Variants in CMYA5 observed in about 807,000 individuals in gnomAD.
CMYA5 encodes the protein cardiomyopathy associated 5.
A neutral mutation model predicts 318.9 loss-of-function variants in CMYA5; 246 were observed. The observed-to-expected ratio is 0.77, with a 90% confidence interval of 0.70 to 0.86. The LOEUF (loss-of-function observed/expected upper bound fraction) is 0.86. Among genes scored for constraint, CMYA5 ranks in the 40% least tolerant of loss-of-function variants. The pLI is 0.00. For missense variants in CMYA5, 4,589 were observed against 4,678.2 expected (o/e 0.98, Z 0.56); for synonymous variants, 1,641 against 1,729.5 (o/e 0.95, Z 1.27).
chr5:79,756,282 C>T (rs1828526916), intron 6 of CMYA5, among the ~76,000 whole-genome samples: 1 of 152,206 alleles, frequency 6.6e-6, no homozygotes, highest in African/African-American at 2.4e-5. Context: ...GTTCGCTCCT[C>T]AGGTCTTACC....
rs770306300 is a variant in CMYA5 at position 79,732,290 on chromosome 5, T to G, written c.3525T>G (p.Asp1175Glu). 1 of 1,613,898 alleles carries G rather than the reference T, an allele frequency of 6.2e-7. No individual in the cohort carries two copies. Among genetic ancestry groups the G allele is most frequent in the East Asian group, 2.2e-5 (1 of 44,876 alleles). ...CATCTCCACATTCAGTTTTACCTGA[T>G]TCAGTCCCTGCAATCAAGAAAGAAC... ...KPASPHSVLP[D>E]SVPAIKKEQE... The change falls in exon 2 of 13, where the codon GAT (aspartate) becomes GAG (glutamate). Residue 1175 changes from aspartate to glutamate, a missense_variant. This residue lies in a region of CMYA5 where 2,132 missense variants were observed against 2,131.3 expected (regional missense o/e 1.00). Coordinates refer to ENST00000446378, the MANE Select transcript of CMYA5 (RefSeq NM_153610.5).
At chr5:79,719,010 A>C (rs1472087918) in intron 1 of CMYA5, among the ~76,000 whole-genome samples, 2 of 152,184 alleles carry the variant, frequency 1.3e-5, no homozygotes, top group East Asian at 3.9e-4. Flanking sequence ...CATTTCTCAG[A>C]ATGTATCCCT....
chr5:79,784,950 T>C (rs558119669), intron 9 of CMYA5, among the ~76,000 whole-genome samples: 1 of 152,292 alleles, frequency 6.6e-6, no homozygotes, highest in Non-Finnish European at 1.5e-5. Flanking sequence ...AGTAATTTCA[T>C]TTTTAAAAAC....
At chr5:79,694,154 C>T (rs1262083207) in intron 1 of CMYA5, among the ~76,000 whole-genome samples, 7 of 152,046 alleles carry the variant, frequency 4.6e-5, no homozygotes. Flanking sequence ...GGCTTTGTAG[C>T]CCATGGTAAG....
chr5:79,765,533 G>T (rs59020999), intron 9 of CMYA5, among the ~76,000 whole-genome samples: 12,563 of 152,192 alleles, frequency 0.083, 1,247 homozygotes, highest in African/African-American at 0.24. Context: ...AAGAAAGTCA[G>T]TGGTAGCTTG....
chr5:79,690,996 T>A (rs1826961086), intron 1 of CMYA5, among the ~76,000 whole-genome samples: 1 of 152,230 alleles, frequency 6.6e-6, no homozygotes, highest in Admixed American at 6.5e-5. Flanking sequence ...GTCACCTGTT[T>A]ATCAAACAGC....
intron 1 of CMYA5, among the ~76,000 whole-genome samples, chr5:79,701,723 C>T (rs1042452722): frequency 6.6e-6 from 1 of 152,100 alleles, no homozygotes; most frequent in Non-Finnish European, 1.5e-5. Context: ...GGTATGTACT[C>T]GAGAGAAATG....
intron 6 of CMYA5, among the ~76,000 whole-genome samples, chr5:79,753,457 T>G (rs1467086480): frequency 1.3e-5 from 2 of 152,156 alleles, no homozygotes; most frequent in Non-Finnish European, 2.9e-5. Flanking sequence ...GGTGTCCTCC[T>G]TAAAAGATGC....
chr5:79,790,909 G>A (rs1044263414), intron 10 of CMYA5, 61 bp from the exon 11 acceptor site: 1 of 1,127,292 alleles, frequency 8.9e-7, no homozygotes, highest in Non-Finnish European at 1.3e-6. Flanking sequence ...GTGGGGCTTA[G>A]CCTAGGGACA....
At position 79,758,802 on chromosome 5, in the gene CMYA5, CACA is replaced by C. The variant is rs1380850112; in HGVS notation, c.11165_11167del (p.Thr3722del). ...CTCAGGAACCAAATTCTGCCACCAG[CACA>C]ACAATTGCAGTTTACTGGAGCATGA... On this transcript the variant is annotated inframe_deletion, in exon 7 of 13. Transcript: ENST00000446378. 11 of 1,599,190 alleles carry C rather than the reference CACA, an allele frequency of 6.9e-6. No individual in the cohort carries two copies. Among genetic ancestry groups the C allele is most frequent in the African/African-American group, 1.3e-5 (1 of 74,216 alleles).
At chr5:79,768,744 A>G (rs969451354) in intron 9 of CMYA5, among the ~76,000 whole-genome samples, 13 of 148,876 alleles carry the variant, frequency 8.7e-5, no homozygotes, top group African/African-American at 3.2e-4. Context: ...CTTCATTTCA[A>G]CCTTGGTGAA....
Position 79,729,755 on chromosome 5 carries a change from TC to T in CMYA5, c.994del (p.Leu332Ter). 1 of 1,613,956 alleles carries T rather than the reference TC, an allele frequency of 6.2e-7. No individual in the cohort carries two copies. ...ATCAAAAGAAAATTTATGCTGATTC[TC>T]CCCTAAATGCCACATCTGCATTGGA... is the stretch of plus-strand genomic sequence containing the variant. ...EDQKKIYADSPLNATSALEHT... is the reference protein window; with the variant it reads ...EDQKKIYADSXLNATSALEHT... On this transcript the variant is annotated frameshift_variant, in exon 2 of 13. Transcript: ENST00000446378. LOFTEE classifies it high-confidence loss of function.
chr5:79,736,711 A>C lies in CMYA5; in HGVS notation c.7946A>C (p.His2649Pro), dbSNP rs1206055246. Reference sequence around the variant, plus strand: ...TCTTGTCGTGATGAAATAGAGAACCACTCTTTATCTCAGGAAGGAAATCTA... The same window carrying C: ...TCTTGTCGTGATGAAATAGAGAACCCCTCTTTATCTCAGGAAGGAAATCTA... ...ALSCRDEIEN[H>P]SLSQEGNLVL... The change falls in exon 2 of 13, where the codon CAC becomes CCC. Residue 2649 changes from histidine to proline, a missense_variant. His to Pro is a moderately conservative substitution (Grantham distance 77). Around this residue, in one of 3 missense-constraint regions of CMYA5, gnomAD observed 2,431 missense variants for 2,495.1 expected, o/e 0.97. Coordinates refer to ENST00000446378, the MANE Select transcript of CMYA5 (RefSeq NM_153610.5). 3 of 1,613,282 alleles carry C rather than the reference A, an allele frequency of 1.9e-6. No individual in the cohort carries two copies. In the Admixed American group the frequency reaches 5.0e-5, roughly 27 times the overall value.
In CMYA5 at chr5:79,736,692, C is replaced by A. The variant is rs199557617; in HGVS notation, c.7927C>A (p.Arg2643Ser). ...TTTCCTGCCGGTGGCTCTTTCTTGT[C>A]GTGATGAAATAGAGAACCACTCTTT... is the stretch of plus-strand genomic sequence containing the variant. ...KTFLPVALSC[R>S]DEIENHSLSQ... is the part of the protein sequence containing the mutation. The change falls in exon 2 of 13, where the codon CGT (arginine) becomes AGT (serine). Residue 2643 changes from arginine to serine, a missense_variant. Transcript: ENST00000446378. 2 of 1,612,772 alleles carry A rather than the reference C, an allele frequency of 1.2e-6. No individual in the cohort carries two copies. The highest frequency in any genetic ancestry group is 1.7e-4 in the Middle Eastern group (1 of 6,058).
chr5:79,794,518 C>T (rs1372411350), intron 12 of CMYA5, among the ~76,000 whole-genome samples: 2 of 152,208 alleles, frequency 1.3e-5, no homozygotes, highest in Non-Finnish European at 2.9e-5. Flanking sequence ...CAATTAGCCT[C>T]CTGTTGGCTG....
At chr5:79,700,790 G>A (rs1827159241) in intron 1 of CMYA5, among the ~76,000 whole-genome samples, 1 of 152,118 alleles carries the variant, frequency 6.6e-6, no homozygotes, top group East Asian at 1.9e-4. Flanking sequence ...ATTACGTTAA[G>A]GGAAATAAGC....
At chr5:79,784,902 T>C (rs1829054836) in intron 9 of CMYA5, among the ~76,000 whole-genome samples, 2 of 152,060 alleles carry the variant, frequency 1.3e-5, no homozygotes, top group South Asian at 4.2e-4. Context: ...CTGGGAGCTG[T>C]AGACCGGAGC....
At chr5:79,747,684 T>C (rs139354245) in intron 5 of CMYA5, among the ~76,000 whole-genome samples, 113 of 152,320 alleles carry the variant, frequency 7.4e-4, no homozygotes, top group African/African-American at 2.7e-3. Flanking sequence ...AGAAAACATG[T>C]TGTCTATAAA....
intron 9 of CMYA5, among the ~76,000 whole-genome samples, chr5:79,766,630 C>G (rs1828759170): frequency 1.3e-5 from 2 of 152,180 alleles, no homozygotes; most frequent in South Asian, 2.1e-4. Flanking sequence ...TATGTTGAAC[C>G]AGCCTTGCAT....
Sources: allele counts gnomAD v4.1 joint callset (sites outside exome capture counted in the v4.1 genomes callset), GRCh38; gene constraint gnomAD v4.1.1; regional missense constraint gnomAD v4.1.1; transcripts MANE v1.5; gene names NCBI Gene and HGNC (gene_info 2026-07-23, HGNC 2026-07-21).